Variants in ZNF33A observed in about 807,000 individuals in gnomAD.
ZNF33A encodes the protein zinc finger protein 33A.
Under a neutral mutation model 15.9 loss-of-function variants are expected in ZNF33A, and 9 were observed. That is an observed-to-expected ratio of 0.57 (90% confidence interval 0.34 to 0.99). The LOEUF (loss-of-function observed/expected upper bound fraction) is 0.99. Ranked by LOEUF, ZNF33A falls within the 50% of genes least tolerant of loss-of-function variation. The pLI, the probability that ZNF33A is intolerant of heterozygous loss-of-function variation, is 0.02. For synonymous variants in ZNF33A, 294 were observed against 324.2 expected, an observed-to-expected ratio of 0.91 and a Z score of 1.00; for missense variants, 843 against 941.6, an observed-to-expected ratio of 0.90 and a Z score of 1.37.
Position 38,056,248 on chromosome 10 carries a change from C to CA in ZNF33A, c.2125dup (p.Thr709AsnfsTer16). 7 of 1,614,114 alleles carry CA rather than the reference C, an allele frequency of 4.3e-6. No homozygotes were observed. The highest frequency in any genetic ancestry group is 5.9e-6 in the Non-Finnish European group (7 of 1,179,992). On this transcript the variant is annotated frameshift_variant, in exon 5 of 5. Transcript: ENST00000432900. LOFTEE classifies it low-confidence loss of function (END_TRUNC). ...AATTCTTCAGGCACAAATCATCACTCACAGTACATCACAGGGCTCACACAG... is the reference window on the plus strand; with the variant it reads ...AATTCTTCAGGCACAAATCATCACTCAACAGTACATCACAGGGCTCACACAG...
intron 4 of ZNF33A, among the ~76,000 whole-genome samples, chr10:38,052,421 A>G (rs1408591475): frequency 6.6e-6 from 1 of 152,130 alleles, no homozygotes; most frequent in Non-Finnish European, 1.5e-5. Flanking sequence ...GTGAAAGACC[A>G]CACTAGAAAC....
downstream of ZNF33A, among the ~76,000 whole-genome samples, chr10:38,066,353 A>G (rs949104583): frequency 2.0e-5 from 3 of 151,894 alleles, no homozygotes; most frequent in East Asian, 2.0e-4. Flanking sequence ...ATCTCAGCTC[A>G]CTGCAACCTC....
chr10:38,055,552 A>G lies in ZNF33A; in HGVS notation c.1428A>G (p.Lys476=). ...EKPFECLECG[K]SFSEKSNLTQ... ...CTTTTGAATGTCTTGAGTGTGGGAA[A>G]TCCTTTAGTGAAAAGTCAAATCTTA... The change falls in exon 5 of 5, where the codon AAA becomes AAG. Residue 476 remains lysine (K), a synonymous_variant. Transcript: ENST00000432900. 31 of 1,614,150 alleles carry G rather than the reference A, an allele frequency of 1.9e-5. No individual in the cohort carries two copies. Among genetic ancestry groups the G allele is most frequent in the Non-Finnish European group, 2.6e-5 (31 of 1,180,022 alleles).
At chr10:38,023,741 G>GT (rs2064856189) in intron 4 of ZNF33A, among the ~76,000 whole-genome samples, 1 of 152,172 alleles carries the variant, frequency 6.6e-6, no homozygotes, top group Non-Finnish European at 1.5e-5. Flanking sequence ...TTGTAGTACT[G>GT]TAACTTCTAT....
At chr10:38,035,111 C>CTTTTTTTTTTTTTTTTTTTTTTT (rs71007683) in intron 4 of ZNF33A, among the ~76,000 whole-genome samples, 1 of 85,772 alleles carries the variant, frequency 1.2e-5, no homozygotes, top group Non-Finnish European at 2.0e-5. Flanking sequence ...CATTTACTTT[C>CTTTTTTTTTTTTTTTTTTTTTTT]TTTTTTTTTT....
At chr10:38,067,457 C>G (rs947878328), downstream of ZNF33A, among the ~76,000 whole-genome samples, 8 of 152,186 alleles carry the variant, frequency 5.3e-5, no homozygotes, top group Non-Finnish European at 1.2e-4. Context: ...GACTCGAGTT[C>G]AAGACAATTC....
At chr10:38,063,805 A>G (rs1419389786), downstream of ZNF33A, among the ~76,000 whole-genome samples, 1 of 152,164 alleles carries the variant, frequency 6.6e-6, no homozygotes, top group Non-Finnish European at 1.5e-5. Flanking sequence ...TGAAGTGTGG[A>G]TGTGTCTCTT....
chr10:38,056,527 A>G lies in ZNF33A; in HGVS notation c.2403A>G (p.Gly801=), dbSNP rs12242343. 13,815 of 1,590,952 alleles carry G rather than the reference A, an allele frequency of 8.7e-3. 330 individuals are homozygous for G. Among genetic ancestry groups the G allele is most frequent in the African/African-American group, 0.085 (6,273 of 73,986 alleles). ...ATGCCTCAGAGTATTCACACTGTGG[A>G]GAAAGCCCTGATGACATCCTGAATG... is the stretch of plus-strand genomic sequence containing the variant. ...LHNASEYSHC[G]ESPDDILNVQ The change falls in exon 5 of 5, where the codon GGA becomes GGG. Residue 801 remains glycine (G), a synonymous_variant. Transcript: ENST00000432900.
chr10:38,037,334 C>CTTT (rs372716423), intron 4 of ZNF33A, among the ~76,000 whole-genome samples: 3 of 147,800 alleles, frequency 2.0e-5, no homozygotes, highest in Non-Finnish European at 4.5e-5. Context: ...TTTCTTTTTT[C>CTTT]TTTTTTTTTT....
rs143827341 is a variant in ZNF33A, at chr10:38,056,185, C to T, written c.2061C>T (p.His687=). 2.5e-6 allele frequency: 4 copies of T among 1,613,900 alleles called. No individual in the cohort carries two copies. In the African/African-American group the frequency reaches 4.0e-5, roughly 16 times the overall value. The change falls in exon 5 of 5, where the codon CAC becomes CAT. Residue 687 remains histidine, a synonymous_variant. Coordinates refer to ENST00000432900, the MANE Select transcript of ZNF33A (RefSeq NM_006954.2). ...KSGLIFHERK[H]TGEKPYECNE... ...GACTTATTTTCCATGAGAGAAAGCACACGGGGGAGAAACCCTATGAATGCA... is the reference window on the plus strand; with the variant it reads ...GACTTATTTTCCATGAGAGAAAGCATACGGGGGAGAAACCCTATGAATGCA...
rs150308253 is a variant in ZNF33A, at chr10:38,054,505, T to C, written c.381T>C (p.Asn127=). The stretch of plus-strand genomic sequence containing the variant: ...GTGATGTAATAGGAATACCATTTAA[T>C]GTGGATGTAAGTTCTTTTCCTTCCA... ...EQGDVIGIPF[N]VDVSSFPSRK... Residue 127 remains asparagine, a synonymous_variant, in exon 5 of 5, where the codon AAT becomes AAC. Coordinates refer to ENST00000432900, the MANE Select transcript of ZNF33A (RefSeq NM_006954.2). 1.4e-5 allele frequency: 23 copies of C among 1,613,156 alleles called. No individual in the cohort carries two copies. The highest frequency in any genetic ancestry group is 1.3e-5 in the African/African-American group (1 of 74,886).
At chr10:38,062,104 G>A (rs182833885), downstream of ZNF33A, among the ~76,000 whole-genome samples, 6 of 152,132 alleles carry the variant, frequency 3.9e-5, no homozygotes, top group East Asian at 1.9e-4. Flanking sequence ...GAGAGAACAC[G>A]CTAGAACCCT....
chr10:38,034,711 A>G (rs1278411106), intron 4 of ZNF33A, among the ~76,000 whole-genome samples: 1 of 152,164 alleles, frequency 6.6e-6, no homozygotes, highest in Non-Finnish European at 1.5e-5. Flanking sequence ...GTTGTTTTTT[A>G]GAGCACTTTC....
At chr10:38,066,275 A>ATTATTTAT (rs545858786), downstream of ZNF33A, among the ~76,000 whole-genome samples, 1 of 151,454 alleles carries the variant, frequency 6.6e-6, no homozygotes, top group East Asian at 2.0e-4. Flanking sequence ...GGGTTTTTTT[A>ATTATTTAT]TTATTTATTT....
In ZNF33A at chr10:38,055,444, C is replaced by G. The variant is rs1564879831; in HGVS notation, c.1320C>G (p.Pro440=). 1.9e-6 allele frequency: 3 copies of G among 1,614,042 alleles called. No individual in the cohort carries two copies. The highest frequency in any genetic ancestry group is 2.5e-6 in the Non-Finnish European group (3 of 1,179,996). The change falls in exon 5 of 5, where the codon CCC becomes CCG. Residue 440 remains proline (P), a synonymous_variant. Coordinates refer to ENST00000432900, the MANE Select transcript of ZNF33A (RefSeq NM_006954.2). The part of the protein sequence containing the change: ...KHQRTHTGLK[P]YECYECGKSF... ...AGAGAACACACACAGGGCTGAAACC[C>G]TATGAATGTTATGAATGTGGAAAAT... is the stretch of plus-strand genomic sequence containing the variant.
chr10:38,065,713 CTTT>C (rs35846280), downstream of ZNF33A, among the ~76,000 whole-genome samples: 1 of 142,308 alleles, frequency 7.0e-6, no homozygotes. Flanking sequence ...ATGGGACACA[CTTT>C]TTTTTTTTTT....
At chr10:38,035,658 A>T (rs1316581627) in intron 4 of ZNF33A, among the ~76,000 whole-genome samples, 2 of 152,096 alleles carry the variant, frequency 1.3e-5, no homozygotes, top group Non-Finnish European at 2.9e-5. Context: ...ATGCAATTAG[A>T]TGTTTTGGTG....
At chr10:38,029,814 A>G (rs2065136648) in intron 4 of ZNF33A, among the ~76,000 whole-genome samples, 1 of 152,218 alleles carries the variant, frequency 6.6e-6, no homozygotes, top group Non-Finnish European at 1.5e-5. Context: ...AATTTGAGGA[A>G]GAGCCAGTAA....
chr10:38,064,036 C>T (rs2066686430), downstream of ZNF33A: 1 of 1,560,722 alleles, frequency 6.4e-7, no homozygotes. Flanking sequence ...TCACATCAAC[C>T]CTACGACAGA....
Sources: allele counts gnomAD v4.1 joint callset (sites outside exome capture counted in the v4.1 genomes callset), GRCh38; gene constraint gnomAD v4.1.1; transcripts MANE v1.5; gene names NCBI Gene and HGNC (gene_info 2026-07-23, HGNC 2026-07-21).